The following RAPGEF1 variants were observed in gnomAD, a reference collection of about 807,000 sequenced individuals.
RAPGEF1 encodes the protein Rap guanine nucleotide exchange factor 1.
Under a neutral mutation model 143.3 loss-of-function variants are expected in RAPGEF1, and 33 were observed. That is an observed-to-expected ratio of 0.23 (90% CI 0.17 to 0.31). The LOEUF is 0.31. Among genes scored for constraint, RAPGEF1 ranks in the 10% least tolerant of loss-of-function variants. The pLI, the probability that RAPGEF1 is intolerant of heterozygous loss-of-function variation, is 1.00. For synonymous variants in RAPGEF1, 629 were observed against 676.5 expected (o/e 0.93, Z 1.09); for missense variants, 1,199 against 1,645.4 (o/e 0.73, Z 4.69).
chr9:131,674,820 C>A (rs1832023759), intron 1 of RAPGEF1, among the ~76,000 whole-genome samples: 1 of 152,190 alleles, frequency 6.6e-6, no homozygotes, highest in South Asian at 2.1e-4. Context: ...GAACAAGAAA[C>A]CCTGTGGAGG....
chr9:131,635,252 G>T (rs1966060148), intron 5 of RAPGEF1, among the ~76,000 whole-genome samples: 1 of 152,036 alleles, frequency 6.6e-6, no homozygotes, highest in Non-Finnish European at 1.5e-5. Context: ...AATCTTCAGG[G>T]TAAATATTTT....
chr9:131,628,178 T>C lies in RAPGEF1; in HGVS notation c.1018-82A>G, dbSNP rs1963821715. 1 of 1,296,748 alleles carries C rather than the reference T, an allele frequency of 7.7e-7. No individual in the cohort carries two copies. Among genetic ancestry groups the C allele is most frequent in the African/African-American group, 1.5e-5 (1 of 66,710 alleles). The allele number at this position is 1,296,748 out of a possible 1,614,324, so 80.3% of individuals were successfully genotyped here. A position where few individuals can be genotyped will look rare whatever the true frequency, so the allele number is the denominator to read the frequency against. On this transcript the variant is annotated intron_variant, in intron 8 of 26. Coordinates refer to ENST00000683357, the MANE Select transcript of RAPGEF1 (RefSeq NM_001377935.1). The surrounding 1 kb of genome is among the most constrained non-coding windows in gnomAD (Gnocchi z 5.7). ...CCAGGGGTGAGGCAACCGGTGCATT[T>C]ACTTAGAGAAGGAAATACTGCCAGG...
At chr9:131,626,453 G>A (rs202036411) in intron 9 of RAPGEF1, 31 bp from the exon 10 acceptor site, 36 of 1,529,532 alleles carry the variant, frequency 2.4e-5, no homozygotes, top group African/African-American at 2.8e-5. Context: ...AAAGAGACCC[G>A]TTAGCCACAG....
chr9:131,664,478 T>C lies in RAPGEF1; in HGVS notation c.62-13529A>G, dbSNP rs557886683. Among the ~76,000 whole-genome samples the C allele has an allele frequency of 2.8e-4, 42 of 152,314 alleles. 1 individual carries two copies. Among genetic ancestry groups the C allele is most frequent in the Admixed American group, 9.8e-4 (15 of 15,294 alleles). ...TATATATTTTTAAATCATAAGTTAA[T>C]ACTGTTATTTCTTACTGCAAGCCAA... On this transcript the variant is annotated intron_variant, in intron 1 of 26. Transcript: ENST00000683357.
At chr9:131,615,118 G>C (rs747885817) in intron 12 of RAPGEF1, among the ~76,000 whole-genome samples, 5 of 152,184 alleles carry the variant, frequency 3.3e-5, no homozygotes, top group African/African-American at 4.8e-5. Context: ...TGTTGCCCAG[G>C]CTGGAGCGCA....
At chr9:131,733,345 T>TA (rs1446711261) in intron 1 of RAPGEF1, among the ~76,000 whole-genome samples, 1 of 90,942 alleles carries the variant, frequency 1.1e-5, no homozygotes, top group African/African-American at 4.4e-5. Context: ...ACTTAAAATT[T>TA]AAAAAAGCCG....
intron 3 of RAPGEF1, among the ~76,000 whole-genome samples, chr9:131,643,968 T>C (rs967574383): frequency 1.3e-5 from 2 of 152,108 alleles, no homozygotes; most frequent in Non-Finnish European, 2.9e-5. Flanking sequence ...GGAAATGATA[T>C]GCTATTCCTC....
chr9:131,726,365 A>G (rs1001365302), intron 1 of RAPGEF1, among the ~76,000 whole-genome samples: 1 of 152,026 alleles, frequency 6.6e-6, no homozygotes, highest in African/African-American at 2.4e-5. Flanking sequence ...AGTGGCTCAC[A>G]CCTGTAATCT....
intron 1 of RAPGEF1, among the ~76,000 whole-genome samples, chr9:131,716,797 C>G (rs181174623): frequency 2.0e-5 from 3 of 152,154 alleles, no homozygotes; most frequent in Admixed American, 2.0e-4. Flanking sequence ...ATAAAAACCC[C>G]TCGATGCTTC....
At position 131,577,799 on chromosome 9, in the gene RAPGEF1, A is replaced by AAGAGGGGGTCCCGCCACC. The variant is rs939311269; in HGVS notation, c.*1680_*1697dup. ...CCGGCTGGCCCCGCAAGACCACCGCAAGAGGGGGTCCCGCCACCAGAGGGG... is the reference window on the plus strand; with the variant it reads ...CCGGCTGGCCCCGCAAGACCACCGCAAGAGGGGGTCCCGCCACCAGAGGGGGTCCCGCCACCAGAGGGG... On this transcript the variant is annotated 3_prime_UTR_variant, in exon 27 of 27. Coordinates refer to ENST00000683357, the MANE Select transcript of RAPGEF1 (RefSeq NM_001377935.1). 1 of 152,316 alleles carries AAGAGGGGGTCCCGCCACC rather than the reference A, an allele frequency of 6.6e-6. No individual in the cohort carries two copies. Among genetic ancestry groups the AAGAGGGGGTCCCGCCACC allele is most frequent in the African/African-American group, 2.4e-5 (1 of 41,566 alleles). 9.4% of individuals were successfully genotyped at this position (152,316 alleles called of 1,614,324 possible).
Position 131,579,514 on chromosome 9 carries a change from G to A in RAPGEF1, c.3775C>T (p.Arg1259Trp), listed in dbSNP as rs747478083. Residue 1259 changes from arginine to tryptophan, a missense_variant, in exon 27 of 27, where the codon CGG becomes TGG. This residue lies in a region of RAPGEF1 where 67 missense variants were observed against 105.4 expected (regional missense o/e 0.64). Coordinates refer to ENST00000683357, the MANE Select transcript of RAPGEF1 (RefSeq NM_001377935.1). The stretch of plus-strand genomic sequence containing the variant: ...GTCTGCTCCTAGGTCTTCTCTTCCC[G>A]GTCTGTTTTTCTCCTTGTTATGTTC... ...PRNITRRKTD[R>W]EEKT 1.9e-5 allele frequency: 30 copies of A among 1,613,828 alleles called. No individual in the cohort carries two copies. The highest frequency in any genetic ancestry group is 6.7e-5 in the African/African-American group (5 of 74,920).
intron 15 of RAPGEF1, among the ~76,000 whole-genome samples, chr9:131,600,699 G>C (rs1304149278): frequency 6.6e-6 from 1 of 152,236 alleles, no homozygotes. Flanking sequence ...AAGGAGGGAG[G>C]AAAAGCTTGA....
chr9:131,737,553 A>C, intron 1 of RAPGEF1: 1 of 1,599,608 alleles, frequency 6.3e-7, no homozygotes, highest in Non-Finnish European at 8.5e-7. Flanking sequence ...AGGACAAACT[A>C]TGCTGAAATG....
intron 1 of RAPGEF1, among the ~76,000 whole-genome samples, chr9:131,651,627 C>A (rs1457954034): frequency 6.6e-6 from 1 of 152,134 alleles, no homozygotes; most frequent in Non-Finnish European, 1.5e-5. Context: ...ACCAAAAGCA[C>A]AAGTAACAAA....
intron 1 of RAPGEF1, among the ~76,000 whole-genome samples, chr9:131,708,807 T>C (rs941958643): frequency 2.0e-5 from 3 of 152,074 alleles, no homozygotes; most frequent in East Asian, 3.9e-4. Context: ...TCTCGGCTAC[T>C]GTAACCTCCA....
At chr9:131,579,786 C>A in intron 26 of RAPGEF1, 139 bp from the exon 27 acceptor site, 2 of 893,224 alleles carry the variant, frequency 2.2e-6, no homozygotes, top group Non-Finnish European at 3.3e-6. Flanking sequence ...TACCGTTGAC[C>A]AATGTGACAG....
intron 5 of RAPGEF1, among the ~76,000 whole-genome samples, chr9:131,632,887 T>A (rs1965317346): frequency 6.6e-6 from 1 of 152,174 alleles, no homozygotes; most frequent in Non-Finnish European, 1.5e-5. Context: ...AAATAATAAT[T>A]AAACAAGCAA....
At position 131,671,194 on chromosome 9, in the gene RAPGEF1, T is replaced by C. The variant is rs151317706; in HGVS notation, c.62-20245A>G. On this transcript the variant is annotated intron_variant, in intron 1 of 26. Coordinates refer to ENST00000683357, the MANE Select transcript of RAPGEF1 (RefSeq NM_001377935.1). ...TTTCAAGAGGGAATCTCATTTTTCA[T>C]TGCTCTCCCTCAGCAGCTGTATCCT... Among the ~76,000 whole-genome samples the C allele has an allele frequency of 3.8e-3, 578 of 152,338 alleles. 4 individuals are homozygous for C. The highest frequency in any genetic ancestry group is 0.012 in the African/African-American group (508 of 41,566).
chr9:131,602,007 A>G, intron 15 of RAPGEF1, 54 bp downstream of exon 15: 1 of 1,389,964 alleles, frequency 7.2e-7, no homozygotes, highest in Non-Finnish European at 9.9e-7. Flanking sequence ...GGCAGGCCTC[A>G]TGAGTGGGCG....
Sources: allele counts gnomAD v4.1 joint callset (sites outside exome capture counted in the v4.1 genomes callset), GRCh38; gene constraint gnomAD v4.1.1; regional missense constraint gnomAD v4.1.1; non-coding constraint Gnocchi (gnomAD v3.1); transcripts MANE v1.5; gene names NCBI Gene and HGNC (gene_info 2026-07-23, HGNC 2026-07-21).